The following ASXL2 variants were observed in gnomAD, a reference collection of about 807,000 sequenced individuals.
ASXL2 encodes the protein ASXL transcriptional regulator 2.
In ASXL2, 23 loss-of-function variants were observed where a neutral mutation model predicts 122.0. The ratio of observed to expected loss-of-function variants is 0.19; its 90% CI spans 0.14 to 0.27. The LOEUF (loss-of-function observed/expected upper bound fraction) is 0.27. Among genes scored for constraint, ASXL2 ranks in the 10% least tolerant of loss-of-function variants. The probability of loss-of-function intolerance (pLI) is 1.00; values close to 1 mark genes in which losing one functional copy is unlikely to be tolerated. For missense variants in ASXL2, 1,518 were observed against 1,713.8 expected, an observed-to-expected ratio of 0.89 and a Z score of 2.02; for synonymous variants, 650 against 637.0, an observed-to-expected ratio of 1.02 and a Z score of -0.31.
chr2:25,781,208 G>A (rs1408655797), intron 5 of ASXL2, among the ~76,000 whole-genome samples: 1 of 151,908 alleles, frequency 6.6e-6, no homozygotes, highest in African/African-American at 2.4e-5. Flanking sequence ...TTTGGGTATT[G>A]AGTTGTTTCA....
chr2:25,745,504 C>A (rs1379582925), intron 12 of ASXL2, among the ~76,000 whole-genome samples: 1 of 147,132 alleles, frequency 6.8e-6, no homozygotes, highest in African/African-American at 2.5e-5. Context: ...TGAGCCACAG[C>A]ACCCAGCCTG....
chr2:25,863,349 C>A (rs2089861685), intron 1 of ASXL2, among the ~76,000 whole-genome samples: 1 of 145,692 alleles, frequency 6.9e-6, no homozygotes, highest in Non-Finnish European at 1.5e-5. Flanking sequence ...AAAAAATTCT[C>A]ACAGCAGGAA....
chr2:25,855,031 C>T (rs747338147), intron 1 of ASXL2, among the ~76,000 whole-genome samples: 2 of 152,172 alleles, frequency 1.3e-5, no homozygotes, highest in Non-Finnish European at 1.5e-5. Flanking sequence ...CAGACAGTGC[C>T]GCTCACACAC....
Position 25,735,166 on chromosome 2 carries a change from C to G in ASXL2, c.*6863G>C, listed in dbSNP as rs542903885. The G allele has an allele frequency of 2.6e-5, 4 of 152,284 alleles. No individual in the cohort carries two copies. In the South Asian group the frequency reaches 8.3e-4, roughly 32 times the overall value. The allele number at this position is 152,284 out of a possible 1,614,324, so 9.4% of individuals were successfully genotyped here. On this transcript the variant is annotated 3_prime_UTR_variant, in exon 13 of 13. Transcript: ENST00000435504. ...CTGGTTTCGCTTTTTCTTCCTGTTA[C>G]AAGATCTCCTTCCAGGGAATGCCTT...
intron 3 of ASXL2, among the ~76,000 whole-genome samples, chr2:25,823,170 G>A (rs1255630359): frequency 6.6e-6 from 1 of 152,126 alleles, no homozygotes; most frequent in East Asian, 1.9e-4. Context: ...ATAACCTTAT[G>A]CATGAACATT....
chr2:25,771,217 C>T (rs1261083598), intron 6 of ASXL2, among the ~76,000 whole-genome samples: 7 of 152,184 alleles, frequency 4.6e-5, no homozygotes, highest in African/African-American at 1.7e-4. Context: ...AGCCTGGCAA[C>T]TGAGACTCTG....
At chr2:25,778,411 C>T (rs1272237810) in intron 5 of ASXL2, among the ~76,000 whole-genome samples, 1 of 152,286 alleles carries the variant, frequency 6.6e-6, no homozygotes, top group Non-Finnish European at 1.5e-5. Context: ...GCAGATTCCC[C>T]CCAGAGCCTC....
intron 5 of ASXL2, among the ~76,000 whole-genome samples, chr2:25,783,663 T>C (rs2088684652): frequency 6.6e-6 from 1 of 152,138 alleles, no homozygotes; most frequent in Non-Finnish European, 1.5e-5. Context: ...ACACAGTGGC[T>C]CACACCTGTA....
chr2:25,818,408 G>A (rs749002240), intron 3 of ASXL2, among the ~76,000 whole-genome samples: 5 of 152,174 alleles, frequency 3.3e-5, no homozygotes, highest in Non-Finnish European at 5.9e-5. Flanking sequence ...CTACTCGGGA[G>A]GCTGAGGCAG....
intron 1 of ASXL2, among the ~76,000 whole-genome samples, chr2:25,853,912 C>T (rs186437263): frequency 9.9e-5 from 15 of 152,016 alleles, no homozygotes; most frequent in Middle Eastern, 3.4e-3. Flanking sequence ...GCTTCAGACA[C>T]TAGTAAAAAT....
At chr2:25,820,444 C>T (rs2089295267) in intron 3 of ASXL2, among the ~76,000 whole-genome samples, 1 of 152,118 alleles carries the variant, frequency 6.6e-6, no homozygotes, top group Admixed American at 6.5e-5. Flanking sequence ...GTCTATACAA[C>T]AATTTGGACC....
intron 1 of ASXL2, among the ~76,000 whole-genome samples, chr2:25,849,541 C>T (rs1301951406): frequency 6.6e-6 from 1 of 150,984 alleles, no homozygotes. Flanking sequence ...GTGGTGCAAT[C>T]ACAGCTCACT....
intron 5 of ASXL2, among the ~76,000 whole-genome samples, chr2:25,775,532 C>T (rs1336018655): frequency 6.6e-6 from 1 of 152,158 alleles, no homozygotes; most frequent in Non-Finnish European, 1.5e-5. Flanking sequence ...CAGCTTCCCC[C>T]ACGTTGTTCT....
At chr2:25,764,814 C>A (rs1180078589) in intron 8 of ASXL2, among the ~76,000 whole-genome samples, 1 of 152,140 alleles carries the variant, frequency 6.6e-6, no homozygotes. Flanking sequence ...ACCTGCACAT[C>A]GCAGTCAAAC....
chr2:25,866,961 T>C (rs12999323), intron 1 of ASXL2, among the ~76,000 whole-genome samples: 42,002 of 151,850 alleles, frequency 0.28, 6,117 homozygotes, highest in African/African-American at 0.32. Context: ...AGTGCAATGG[T>C]GCAATCTCAG....
rs2090027471 is a variant in ASXL2 at position 25,878,288 on chromosome 2, G to A, written c.-66C>T. ...TCCGGCCGCCCTCCCTGCCTGCTCT[G>A]CCCTGCGCTGCTTTTCCCGCGGTGC... is the stretch of plus-strand genomic sequence containing the variant. On this transcript the variant is annotated 5_prime_UTR_variant, in exon 1 of 13. Coordinates refer to ENST00000435504, the MANE Select transcript of ASXL2 (RefSeq NM_018263.6). 6.5e-7 allele frequency: 1 copy of A among 1,538,424 alleles called. No individual in the cohort carries two copies. Among genetic ancestry groups the A allele is most frequent in the Non-Finnish European group, 8.9e-7 (1 of 1,117,674 alleles).
At chr2:25,814,887 G>A (rs1162445155) in intron 3 of ASXL2, among the ~76,000 whole-genome samples, 1 of 152,180 alleles carries the variant, frequency 6.6e-6, no homozygotes, top group African/African-American at 2.4e-5. Context: ...CCTGACTGTA[G>A]CCTGGGCAAG....
intron 1 of ASXL2, among the ~76,000 whole-genome samples, chr2:25,852,446 T>C (rs1452956227): frequency 6.6e-6 from 1 of 152,250 alleles, no homozygotes; most frequent in East Asian, 1.9e-4. Context: ...GATATACAGA[T>C]GTGCAGAGTC....
chr2:25,791,166 CTCTCT>C (rs1218166392), intron 5 of ASXL2, among the ~76,000 whole-genome samples: 1 of 151,942 alleles, frequency 6.6e-6, no homozygotes, highest in Non-Finnish European at 1.5e-5. Flanking sequence ...TCTCCATTCT[CTCTCT>C]TATCTATACC....
Sources: allele counts gnomAD v4.1 joint callset (sites outside exome capture counted in the v4.1 genomes callset), GRCh38; gene constraint gnomAD v4.1.1; transcripts MANE v1.5; gene names NCBI Gene and HGNC (gene_info 2026-07-23, HGNC 2026-07-21).